HTT: variants seen among roughly 807,000 people sequenced by gnomAD.
HTT encodes the protein huntingtin, also known as huntington disease protein.
In HTT, 104 loss-of-function variants were observed where a neutral mutation model predicts 362.3. The ratio of observed to expected loss-of-function variants is 0.29; its 90% CI spans 0.24 to 0.34. The LOEUF (loss-of-function observed/expected upper bound fraction) is 0.34. Ranked by LOEUF, HTT falls within the 10% of genes least tolerant of loss-of-function variation. HTT has a pLI of 1.00. For synonymous variants in HTT, 1,577 were observed against 1,548.7 expected (o/e 1.02, Z -0.43); for missense variants, 3,301 against 3,928.6 (o/e 0.84, Z 4.27).
chr4:3,188,286 C>T (rs944259958), intron 39 of HTT: 3 of 179,852 alleles, frequency 1.7e-5, no homozygotes, highest in Admixed American at 1.6e-4. Flanking sequence ...TAATAAAAGT[C>T]TTCTCCCTGC....
chr4:3,129,020 A>G (rs966060961), intron 12 of HTT: 1 of 152,222 alleles, frequency 6.6e-6, no homozygotes, highest in African/African-American at 2.4e-5. Flanking sequence ...TTTAGGAGTC[A>G]CACAGTATTT....
chr4:3,119,674 A>G (rs992725305), intron 8 of HTT, among the ~76,000 whole-genome samples: 1 of 152,240 alleles, frequency 6.6e-6, no homozygotes, highest in Admixed American at 6.5e-5. Flanking sequence ...ACCTAGGAGC[A>G]TGTAAATGGA....
chr4:3,146,747 G>C, intron 24 of HTT, 50 bp from the exon 25 acceptor site: 1 of 1,565,842 alleles, frequency 6.4e-7, no homozygotes. Flanking sequence ...GAAGACTGTT[G>C]TTTGCTTAAA....
At chr4:3,097,215 C>A (rs1713898757) in intron 2 of HTT, among the ~76,000 whole-genome samples, 1 of 152,068 alleles carries the variant, frequency 6.6e-6, no homozygotes, top group Non-Finnish European at 1.5e-5. Context: ...TCAATAAAAC[C>A]AAAAGCTGGT....
intron 31 of HTT, among the ~76,000 whole-genome samples, chr4:3,173,412 C>A (rs1435532385): frequency 6.6e-6 from 1 of 152,116 alleles, no homozygotes; most frequent in African/African-American, 2.4e-5. Context: ...TGAGAAGCAG[C>A]CAGCTCTCAT....
chr4:3,173,086 G>C lies in HTT; in HGVS notation c.4121G>C (p.Ser1374Thr). The change falls in exon 31 of 67, where the codon AGC (serine) becomes ACC (threonine). Residue 1374 changes from serine (S) to threonine (T), a missense_variant. Coordinates refer to ENST00000355072, the MANE Select transcript of HTT (RefSeq NM_001388492.1). ...TTCACCCAGGCCCTCGCTGACGCCA[G>C]CCTGAGGAACATGGTGCAGGCGGAG... ...THFTQALADA[S>T]LRNMVQAEQE... 1 of 1,614,178 alleles carries C rather than the reference G, an allele frequency of 6.2e-7. No individual in the cohort carries two copies. Among genetic ancestry groups the C allele is most frequent in the African/African-American group, 1.3e-5 (1 of 75,066 alleles).
intron 63 of HTT, 87 bp downstream of exon 63, chr4:3,235,865 G>C (rs955193592): frequency 3.8e-6 from 4 of 1,050,132 alleles, no homozygotes; most frequent in Admixed American, 2.0e-5. Flanking sequence ...CCTCGACTAG[G>C]TGCCCTCTGA....
intron 41 of HTT, 118 bp from the exon 42 acceptor site, chr4:3,203,889 A>G (rs1578585630): frequency 2.2e-6 from 2 of 925,270 alleles, no homozygotes; most frequent in East Asian, 4.9e-5. Context: ...TGATATGGCA[A>G]TATTTAAAAC....
At chr4:3,075,202 C>CA in intron 1 of HTT, 114 bp downstream of exon 1, 2 of 1,023,006 alleles carry the variant, frequency 2.0e-6, no homozygotes, top group Non-Finnish European at 2.4e-6. Flanking sequence ...CCCGCAGAGA[C>CA]AGAGTGACCC....
chr4:3,240,293 A>G lies in HTT; in HGVS notation c.*234A>G. ...GGGCTGAGCCTGAGGCCTTCCAGAA[A>G]GCAGGAGCAGCTGTGCTGCACCCCA... is the stretch of plus-strand genomic sequence containing the variant. On this transcript the variant is annotated 3_prime_UTR_variant, in exon 67 of 67. Transcript: ENST00000355072. 2 of 578,612 alleles carry G rather than the reference A, an allele frequency of 3.5e-6. No homozygotes were observed. Among genetic ancestry groups the G allele is most frequent in the Middle Eastern group, 4.7e-4 (1 of 2,138 alleles). 35.8% of individuals were successfully genotyped at this position (578,612 alleles called of 1,614,324 possible). A position where few individuals can be genotyped will look rare whatever the true frequency, so the allele number is the denominator to read the frequency against.
In HTT at chr4:3,172,945, A is replaced by C; in HGVS notation, c.3980A>C (p.Gln1327Pro). The change falls in exon 31 of 67, where the codon CAG (glutamine) becomes CCG (proline). Residue 1327 changes from glutamine (Q) to proline (P), a missense_variant. Physicochemically the swap from Gln to Pro is moderately conservative, Grantham distance 76. Around this residue, in one of 4 missense-constraint regions of HTT, gnomAD observed 2,316 missense variants for 2,658.5 expected, o/e 0.87. Coordinates refer to ENST00000355072, the MANE Select transcript of HTT (RefSeq NM_001388492.1). ...CTCTTTGGCACAAACTTGGCCTCCC[A>C]GTTTGATGGCTTATCTTCCAACCCC... The part of the protein sequence containing the change: ...KTLFGTNLAS[Q>P]FDGLSSNPSK... 6.2e-7 allele frequency: 1 copy of C among 1,614,188 alleles called. No individual in the cohort carries two copies. Among genetic ancestry groups the C allele is most frequent in the Admixed American group, 1.7e-5 (1 of 60,022 alleles).
intron 2 of HTT, among the ~76,000 whole-genome samples, chr4:3,097,913 G>C (rs1713937964): frequency 6.6e-6 from 1 of 152,062 alleles, no homozygotes; most frequent in Admixed American, 6.6e-5. Context: ...CACAGGTAAA[G>C]GTTTTCTGAT....
At chr4:3,081,607 G>GGA (rs1712910701) in intron 1 of HTT, among the ~76,000 whole-genome samples, 1 of 132,522 alleles carries the variant, frequency 7.5e-6, no homozygotes, top group African/African-American at 2.9e-5. Flanking sequence ...TGCCCAGGCT[G>GGA]GAGTGCAGTG....
intron 29 of HTT, among the ~76,000 whole-genome samples, chr4:3,166,922 C>T (rs931471786): frequency 8.5e-5 from 13 of 152,376 alleles, no homozygotes; most frequent in Middle Eastern, 3.4e-3. Context: ...CGCCCTGCTT[C>T]GGCTTGCCCT....
At chr4:3,226,905 A>C (rs1720947649) in intron 57 of HTT, among the ~76,000 whole-genome samples, 1 of 152,242 alleles carries the variant, frequency 6.6e-6, no homozygotes, top group South Asian at 2.1e-4. Context: ...ATAGTTGGAA[A>C]AAGAAGTCCC....
rs1719859779 is a variant in HTT, at chr4:3,206,507, C to G, written c.5730C>G (p.Leu1910=). 1 of 1,613,824 alleles carries G rather than the reference C, an allele frequency of 6.2e-7. No homozygotes were observed. Among genetic ancestry groups the G allele is most frequent in the African/African-American group, 1.3e-5 (1 of 74,912 alleles). ...ILFCDYVCQN[L]HDSEHLTWLI... ...ATATTTTTCCTTAGTGTCAGAACCT[C>G]CATGACTCCGAGCACTTAACGTGGC... The change falls in exon 43 of 67, where the codon CTC becomes CTG. Residue 1910 remains leucine, a synonymous_variant. Coordinates refer to ENST00000355072, the MANE Select transcript of HTT (RefSeq NM_001388492.1). This position sits in a 1 kb window ranked among gnomAD's most constrained non-coding sequence, Gnocchi z 4.6.
intron 36 of HTT, among the ~76,000 whole-genome samples, chr4:3,181,043 AT>A (rs1002327029): frequency 1.9e-4 from 28 of 146,360 alleles, no homozygotes; most frequent in Non-Finnish European, 2.0e-4. Flanking sequence ...TGCCCAGCAA[AT>A]TTTTTTTTTT....
chr4:3,090,168 A>G (rs1713424786), intron 2 of HTT, among the ~76,000 whole-genome samples: 1 of 152,216 alleles, frequency 6.6e-6, no homozygotes, highest in South Asian at 2.1e-4. Flanking sequence ...ATGAGGTTAT[A>G]TAAATGGCAG....
At chr4:3,107,254 A>G in intron 5 of HTT, 31 bp from the exon 6 acceptor site, 1 of 1,605,314 alleles carries the variant, frequency 6.2e-7, no homozygotes, top group Non-Finnish European at 8.5e-7. Flanking sequence ...GGAGAGCTGG[A>G]AGAATGACTT....
Sources: gnomAD v4.1 joint callset for allele counts (sites outside exome capture counted in the v4.1 genomes callset) on GRCh38, gnomAD v4.1.1 for gene constraint, gnomAD v4.1.1 regional missense constraint, Gnocchi (gnomAD v3.1) non-coding constraint, MANE v1.5 for transcripts, NCBI Gene and HGNC (gene_info 2026-07-23, HGNC 2026-07-21) for gene names.